TRDN: variants seen among roughly 807,000 people sequenced by gnomAD.
TRDN encodes the protein triadin in skeletal muscle.
TRDN carries 161 observed loss-of-function variants against 149.7 expected under a neutral mutation model. That is an observed-to-expected ratio of 1.08 (90% CI 0.95 to 1.23). The LOEUF is 1.23. Ranked by LOEUF, TRDN falls within the 50% of genes most tolerant of loss-of-function variation. The pLI, the probability that TRDN is intolerant of heterozygous loss-of-function variation, is 0.00. For synonymous variants in TRDN, 294 were observed against 250.5 expected, an observed-to-expected ratio of 1.17 and a Z score of -1.64; for missense variants, 896 against 823.5, an observed-to-expected ratio of 1.09 and a Z score of -1.08.
At position 123,311,556 on chromosome 6, in the gene TRDN, C is replaced by A. The variant is rs6904672; in HGVS notation, c.1510+4901G>T. ...ACCCACAACTCTCTTGAGTTCTACA[C>A]CTAAGGTGTTGAAGTGGTCTACTTG... On this transcript the variant is annotated intron_variant, in intron 24 of 40. Transcript: ENST00000334268. Among the ~76,000 whole-genome samples the A allele has an allele frequency of 4.5e-3, 678 of 152,044 alleles. 4 individuals are homozygous for A. Among genetic ancestry groups the A allele is most frequent in the African/African-American group, 0.016 (653 of 41,490 alleles).
rs776167704 is a variant in TRDN at position 123,467,053 on chromosome 6, C to A, written c.854-2070G>T. Among the ~76,000 whole-genome samples, 10 of 152,028 alleles carry A rather than the reference C, an allele frequency of 6.6e-5. 1 individual carries two copies. In the South Asian group the frequency reaches 2.1e-3, roughly 32 times the overall value. Reference sequence around the variant, plus strand: ...TATAAAGTTATTACTTTATTTAAAACAACTTTATTGCATACTTATTATATA... The same window carrying A: ...TATAAAGTTATTACTTTATTTAAAAAAACTTTATTGCATACTTATTATATA... On this transcript the variant is annotated intron_variant, in intron 9 of 40. Transcript: ENST00000334268.
intron 10 of TRDN, among the ~76,000 whole-genome samples, chr6:123,451,577 A>G (rs1775776055): frequency 6.6e-6 from 1 of 152,130 alleles, no homozygotes; most frequent in South Asian, 2.1e-4. Context: ...AAGCAGACCA[A>G]TAACAAGCAG....
At chr6:123,389,086 A>G (rs1388862515) in intron 13 of TRDN, among the ~76,000 whole-genome samples, 1 of 152,150 alleles carries the variant, frequency 6.6e-6, no homozygotes, top group Non-Finnish European at 1.5e-5. Context: ...TTTTACATAG[A>G]GAAAAAGGTA....
intron 1 of TRDN, among the ~76,000 whole-genome samples, chr6:123,594,107 C>CG (rs1783918115): frequency 6.6e-6 from 1 of 151,934 alleles, no homozygotes; most frequent in Non-Finnish European, 1.5e-5. Flanking sequence ...ATGCAAACAC[C>CG]ATAGGTCAGT....
chr6:123,442,503 G>A (rs1184097358), intron 10 of TRDN, among the ~76,000 whole-genome samples: 3 of 100,826 alleles, frequency 3.0e-5, no homozygotes, highest in East Asian at 4.5e-4. Flanking sequence ...CCGAGATTGC[G>A]CCACTGCACT....
intron 1 of TRDN, among the ~76,000 whole-genome samples, chr6:123,604,697 G>C (rs1784443107): frequency 6.6e-6 from 1 of 152,074 alleles, no homozygotes; most frequent in South Asian, 2.1e-4. Flanking sequence ...CCAGGAAACA[G>C]TGTCTGCAGG....
chr6:123,411,876 C>T (rs1773455033), intron 12 of TRDN: 2 of 152,176 alleles, frequency 1.3e-5, no homozygotes, highest in Admixed American at 6.5e-5. Flanking sequence ...GAGCAGAACT[C>T]ACAGAGAGAA....
chr6:123,470,440 A>G (rs1462576074), intron 9 of TRDN: 1 of 152,226 alleles, frequency 6.6e-6, no homozygotes, highest in African/African-American at 2.4e-5. Context: ...TGGTGAAGAT[A>G]GGGCCATATC....
At chr6:123,274,137 G>A (rs1284331041) in intron 27 of TRDN, among the ~76,000 whole-genome samples, 1 of 152,044 alleles carries the variant, frequency 6.6e-6, no homozygotes, top group Non-Finnish European at 1.5e-5. Flanking sequence ...AGGTAATAAT[G>A]GCCATGCTGT....
chr6:123,366,708 G>T (rs1006999366), intron 19 of TRDN, among the ~76,000 whole-genome samples: 2 of 152,002 alleles, frequency 1.3e-5, no homozygotes, highest in Middle Eastern at 3.2e-3. Context: ...AGTAGAGACG[G>T]GGTTTCACCA....
At chr6:123,353,819 G>T (rs1216478481) in intron 20 of TRDN, among the ~76,000 whole-genome samples, 1 of 151,606 alleles carries the variant, frequency 6.6e-6, no homozygotes, top group Admixed American at 6.6e-5. Context: ...CCAAAATAGA[G>T]CAAACCATGT....
chr6:123,414,096 G>T (rs935170483), intron 12 of TRDN, among the ~76,000 whole-genome samples: 1 of 152,024 alleles, frequency 6.6e-6, no homozygotes, highest in Non-Finnish European at 1.5e-5. Context: ...CTTCAAGTTC[G>T]CTATCTGATG....
intron 21 of TRDN, chr6:123,351,472 A>G: frequency 1.0e-6 from 1 of 984,046 alleles, no homozygotes; most frequent in Non-Finnish European, 1.2e-6. Context: ...CAACAGAAAC[A>G]TCTACTGAAC....
At chr6:123,577,982 T>G (rs1273604282) in intron 1 of TRDN, among the ~76,000 whole-genome samples, 4 of 152,150 alleles carry the variant, frequency 2.6e-5, no homozygotes, top group Non-Finnish European at 5.9e-5. Context: ...TTAATGGAGT[T>G]GTTTGTTGTC....
chr6:123,472,835 C>G (rs1248442991), intron 9 of TRDN, among the ~76,000 whole-genome samples: 1 of 152,222 alleles, frequency 6.6e-6, no homozygotes, highest in Non-Finnish European at 1.5e-5. Context: ...CAGGGGCACA[C>G]TGACACCTCA....
chr6:123,506,204 C>A (rs1203639769), intron 7 of TRDN, among the ~76,000 whole-genome samples: 4 of 152,130 alleles, frequency 2.6e-5, no homozygotes, highest in Non-Finnish European at 4.4e-5. Context: ...TCTATGTTGA[C>A]CTGGGCTCAC....
rs142207756 is a variant in TRDN at position 123,613,594 on chromosome 6, A to G, written c.22+23160T>C. On this transcript the variant is annotated intron_variant, in intron 1 of 40. Coordinates refer to ENST00000334268, the MANE Select transcript of TRDN (RefSeq NM_006073.4). ...AGAGAGAAATGTGTTCAGAAGTGTC[A>G]AACCTAATACAAGACACCAGATGAT... is the stretch of plus-strand genomic sequence containing the variant. Among the ~76,000 whole-genome samples the G allele has an allele frequency of 1.5e-3, 232 of 152,290 alleles. 1 individual carries two copies. The highest frequency in any genetic ancestry group is 5.3e-3 in the African/African-American group (222 of 41,570).
intron 5 of TRDN, among the ~76,000 whole-genome samples, chr6:123,528,522 A>G (rs1780061691): frequency 6.6e-6 from 1 of 151,978 alleles, no homozygotes; most frequent in Non-Finnish European, 1.5e-5. Context: ...ATTTATAATC[A>G]TCACAGACTA....
rs531609873 is a variant in TRDN, at chr6:123,629,812, C to A, written c.22+6942G>T. 3.9e-5 allele frequency among the ~76,000 whole-genome samples: 6 copies of A among 152,152 alleles called. No individual in the cohort carries two copies. The South Asian group carries it at 1.2e-3, about 32-fold the overall frequency. On this transcript the variant is annotated intron_variant, in intron 1 of 40. Coordinates refer to ENST00000334268, the MANE Select transcript of TRDN (RefSeq NM_006073.4). Reference sequence around the variant, plus strand: ...ATGTTTGATGTTTAGAGAGCATTAACTTGTATAGAGCAGAGCAAGACTTTA... The same window carrying A: ...ATGTTTGATGTTTAGAGAGCATTAAATTGTATAGAGCAGAGCAAGACTTTA...
Sources: gnomAD v4.1 joint callset for allele counts (sites outside exome capture counted in the v4.1 genomes callset) on GRCh38, gnomAD v4.1.1 for gene constraint, MANE v1.5 for transcripts, NCBI Gene and HGNC (gene_info 2026-07-23, HGNC 2026-07-21) for gene names.